The following HSPA4 variants were observed in gnomAD, a reference collection of about 807,000 sequenced individuals.
The protein encoded by HSPA4 is heat shock 70 kDa protein 4.
A neutral mutation model predicts 106.2 loss-of-function variants in HSPA4; 25 were observed. The ratio of observed to expected loss-of-function variants is 0.24; its 90% CI spans 0.17 to 0.33. HSPA4 has a LOEUF of 0.33. Ranked by LOEUF, HSPA4 falls within the 10% of genes least tolerant of loss-of-function variation. The pLI, the probability that HSPA4 is intolerant of heterozygous loss-of-function variation, is 1.00. For missense variants in HSPA4, 841 were observed against 996.0 expected, an observed-to-expected ratio of 0.84 and a Z score of 2.10; for synonymous variants, 332 against 333.6, an observed-to-expected ratio of 1.00 and a Z score of 0.05.
In HSPA4 at chr5:133,099,600, A is replaced by G. The variant is rs1464997400; in HGVS notation, c.1985A>G (p.Asp662Gly). Residue 662 changes from aspartate (D) to glycine (G), a missense_variant, in exon 16 of 19, where the codon GAT becomes GGT. Physicochemically the swap from Asp to Gly is moderately conservative, Grantham distance 94. This residue lies in a region of HSPA4 where 328 missense variants were observed against 372.2 expected (regional missense o/e 0.88). Transcript: ENST00000304858. ...GATACTGAAAATTGGTTGTATGAGG[A>G]TGGAGAAGACCAGCCAAAGCAAGTT... ...LEDTENWLYE[D>G]GEDQPKQVYV... 6.2e-7 allele frequency: 1 copy of G among 1,607,384 alleles called. No homozygotes were observed. Among genetic ancestry groups the G allele is most frequent in the Admixed American group, 1.7e-5 (1 of 59,912 alleles).
Position 133,096,184 on chromosome 5 carries a change from G to A in HSPA4, c.1737G>A (p.Leu579=). 2 of 1,613,974 alleles carry A rather than the reference G, an allele frequency of 1.2e-6. No homozygotes were observed. The highest frequency in any genetic ancestry group is 1.7e-6 in the Non-Finnish European group (2 of 1,179,868). The change falls in exon 14 of 19, where the codon CTG becomes CTA. Residue 579 remains leucine (L), a synonymous_variant. Coordinates refer to ENST00000304858, the MANE Select transcript of HSPA4 (RefSeq NM_002154.4). ...AAGTGAAGACCAGTACTGTGGACCTGCCAATCGAGAATCAGCTATTATGGC... is the reference window on the plus strand; with the variant it reads ...AAGTGAAGACCAGTACTGTGGACCTACCAATCGAGAATCAGCTATTATGGC... ...KAKVKTSTVD[L]PIENQLLWQI...
Position 133,096,106 on chromosome 5 carries a change from A to G in HSPA4, c.1659A>G (p.Gln553=). The G allele has an allele frequency of 2.5e-6, 4 of 1,613,746 alleles. No individual in the cohort carries two copies. The highest frequency in any genetic ancestry group is 1.1e-5 in the South Asian group (1 of 91,048). The change falls in exon 14 of 19, where the codon CAA becomes CAG. Residue 553 remains glutamine, a synonymous_variant. Coordinates refer to ENST00000304858, the MANE Select transcript of HSPA4 (RefSeq NM_002154.4). ...GATTTCTATTGTTTTAGACCTCTCA[A>G]GCTGGATCCAAGGATAAAAAGATGG... The part of the protein sequence containing the change: ...KAESEEMETS[Q]AGSKDKKMDQ...
At position 133,074,064 on chromosome 5, in the gene HSPA4, G is replaced by A; in HGVS notation, c.601G>A (p.Val201Ile). The A allele has an allele frequency of 6.2e-7, 1 of 1,607,140 alleles. No homozygotes were observed. Among genetic ancestry groups the A allele is most frequent in the South Asian group, 1.1e-5 (1 of 89,956 alleles). Reference protein sequence around the residue: ...LEEKPRNVVFVDMGHSAYQVS... With the variant: ...LEEKPRNVVFIDMGHSAYQVS... Reference sequence around the variant, plus strand: ...AGAGAAACCAAGAAATGTAGTTTTTGTAGACATGGGCCACTCTGCTTATCA... The same window carrying A: ...AGAGAAACCAAGAAATGTAGTTTTTATAGACATGGGCCACTCTGCTTATCA... Residue 201 changes from valine to isoleucine, a missense_variant, in exon 6 of 19, where the codon GTA becomes ATA. Physicochemically the swap from Val to Ile is conservative, Grantham distance 29. This residue lies in a region of HSPA4 where 347 missense variants were observed against 408.7 expected (regional missense o/e 0.85). Coordinates refer to ENST00000304858, the MANE Select transcript of HSPA4 (RefSeq NM_002154.4).
chr5:133,097,486 GT>G (rs1232627469), intron 15 of HSPA4, among the ~76,000 whole-genome samples, 200 bp downstream of exon 15: 1 of 150,376 alleles, frequency 6.6e-6, no homozygotes, highest in Non-Finnish European at 1.5e-5. Context: ...TGTGCATCAC[GT>G]TCACAAATCA....
chr5:133,097,808 C>T (rs1192382610), intron 15 of HSPA4, among the ~76,000 whole-genome samples: 6 of 152,056 alleles, frequency 3.9e-5, no homozygotes, highest in Non-Finnish European at 8.8e-5. Context: ...CTTGGCCTCC[C>T]GAAGTGCTGG....
intron 1 of HSPA4, among the ~76,000 whole-genome samples, chr5:133,061,459 C>G (rs1765242050): frequency 6.6e-6 from 1 of 151,730 alleles, no homozygotes; most frequent in Non-Finnish European, 1.5e-5. Flanking sequence ...TCTTCCAACC[C>G]CTGATTGATT....
intron 7 of HSPA4, among the ~76,000 whole-genome samples, chr5:133,079,592 A>G (rs1335469608): frequency 2.6e-5 from 4 of 152,124 alleles, no homozygotes; most frequent in Non-Finnish European, 5.9e-5. Flanking sequence ...TGCTATGGAC[A>G]TTTGTGAACA....
chr5:133,076,568 G>T, intron 6 of HSPA4, 86 bp from the exon 7 acceptor site: 7 of 1,196,956 alleles, frequency 5.8e-6, no homozygotes, highest in South Asian at 3.0e-5. Flanking sequence ...TTTTTTTTTA[G>T]ATAAACAACT....
intron 7 of HSPA4, among the ~76,000 whole-genome samples, chr5:133,081,352 A>G (rs1176806622): frequency 1.3e-5 from 2 of 152,052 alleles, no homozygotes; most frequent in Non-Finnish European, 2.9e-5. Flanking sequence ...TGTTTTTGTG[A>G]AATATTTTAA....
intron 10 of HSPA4, 33 bp from the exon 11 acceptor site, chr5:133,089,529 G>A (rs146359545): frequency 1.9e-6 from 3 of 1,605,048 alleles, no homozygotes; most frequent in Admixed American, 1.7e-5. Flanking sequence ...GGAATATCCT[G>A]AATTTGTGTT....
chr5:133,096,291 T>C, intron 14 of HSPA4, 41 bp downstream of exon 14: 1 of 1,565,808 alleles, frequency 6.4e-7, no homozygotes, highest in Non-Finnish European at 8.8e-7. Flanking sequence ...GCTAACAAAT[T>C]AATGTTACCA....
intron 7 of HSPA4, among the ~76,000 whole-genome samples, chr5:133,080,786 T>C (rs535931125): frequency 2.6e-5 from 4 of 152,260 alleles, no homozygotes; most frequent in East Asian, 3.9e-4. Context: ...TTTATTCTTA[T>C]ACTTCTAATT....
intron 6 of HSPA4, among the ~76,000 whole-genome samples, chr5:133,074,660 C>T (rs1191316915): frequency 6.6e-6 from 1 of 152,168 alleles, no homozygotes; most frequent in Non-Finnish European, 1.5e-5. Flanking sequence ...TACTCTTGCT[C>T]ATGAGGTTTT....
intron 1 of HSPA4, 58 bp downstream of exon 1, chr5:133,052,415 G>C: frequency 8.6e-7 from 1 of 1,160,068 alleles, no homozygotes; most frequent in East Asian, 2.7e-5. Context: ...GCTTGTTCCA[G>C]TCTGGGACCC....
At chr5:133,076,624 T>G (rs1348709332) in intron 6 of HSPA4, 30 bp from the exon 7 acceptor site, 1 of 1,594,974 alleles carries the variant, frequency 6.3e-7, no homozygotes, top group African/African-American at 1.3e-5. Flanking sequence ...ATTGGTTAAT[T>G]GTTAGATTAA....
Position 133,089,599 on chromosome 5 carries a change from TTC to T in HSPA4, c.1286_1287del (p.Ser429Ter). ...EVFSKNHAAP[F>X]SKVLTFYRKE... ...CTTTTCCAAAAATCATGCTGCTCCT[TTC>T]TCTAAAGTTCTTACATTTTATAGAA... On this transcript the variant is annotated frameshift_variant, in exon 11 of 19. Coordinates refer to ENST00000304858, the MANE Select transcript of HSPA4 (RefSeq NM_002154.4). LOFTEE classifies it high-confidence loss of function. 1 of 1,613,304 alleles carries T rather than the reference TTC, an allele frequency of 6.2e-7. No individual in the cohort carries two copies. Among genetic ancestry groups the T allele is most frequent in the Non-Finnish European group, 8.5e-7 (1 of 1,179,290 alleles).
At chr5:133,083,442 A>T (rs1212907567) in intron 7 of HSPA4, among the ~76,000 whole-genome samples, 1 of 152,232 alleles carries the variant, frequency 6.6e-6, no homozygotes, top group African/African-American at 2.4e-5. Flanking sequence ...AAATGTCCTC[A>T]TCCCACCACT....
At chr5:133,091,543 T>C (rs548272052) in intron 12 of HSPA4, among the ~76,000 whole-genome samples, 169 bp downstream of exon 12, 99 of 152,216 alleles carry the variant, frequency 6.5e-4, no homozygotes, top group Non-Finnish European at 1.3e-3. Flanking sequence ...AGTAGATTTT[T>C]ATGCAGAATT....
chr5:133,091,136 C>A, intron 11 of HSPA4, 57 bp from the exon 12 acceptor site: 2 of 1,365,622 alleles, frequency 1.5e-6, no homozygotes, highest in Middle Eastern at 1.8e-4. Flanking sequence ...GGCATATATT[C>A]ATGCTTGAAT....
Sources: gnomAD v4.1 joint callset for allele counts (sites outside exome capture counted in the v4.1 genomes callset) on GRCh38, gnomAD v4.1.1 for gene constraint, gnomAD v4.1.1 regional missense constraint, MANE v1.5 for transcripts, NCBI Gene and HGNC (gene_info 2026-07-23, HGNC 2026-07-21) for gene names.